SCP2: variants seen among roughly 807,000 people sequenced by gnomAD.
SCP2 encodes SCP-2/3-oxoacyl-CoA thiolase.
Under a neutral mutation model 71.4 loss-of-function variants are expected in SCP2, and 48 were observed. That is an observed-to-expected ratio of 0.67 (90% CI 0.53 to 0.86). The LOEUF (loss-of-function observed/expected upper bound fraction) is 0.86. SCP2 is among the 40% of genes least tolerant of loss of function. The probability of loss-of-function intolerance (pLI) is 0.00; values close to 1 mark genes in which losing one functional copy is unlikely to be tolerated. For synonymous variants in SCP2, 220 were observed against 218.1 expected, an observed-to-expected ratio of 1.01 and a Z score of -0.08; for missense variants, 560 against 655.6, an observed-to-expected ratio of 0.85 and a Z score of 1.59.
chr1:52,994,334 G>T, intron 11 of SCP2: 1 of 953,558 alleles, frequency 1.0e-6, no homozygotes, highest in Non-Finnish European at 1.3e-6. Context: ...TTCATTAGGA[G>T]ATGAATATGA....
At chr1:53,005,462 C>A (rs1660573451) in intron 11 of SCP2, among the ~76,000 whole-genome samples, 1 of 152,146 alleles carries the variant, frequency 6.6e-6, no homozygotes, top group South Asian at 2.1e-4. Context: ...TGCTGTTCTG[C>A]AATATTTGGT....
At chr1:52,927,988 C>G (rs934331706) in intron 1 of SCP2, among the ~76,000 whole-genome samples, 2 of 152,246 alleles carry the variant, frequency 1.3e-5, no homozygotes, top group African/African-American at 2.4e-5. Context: ...CCCCTCATCG[C>G]CCGCATGCTC....
rs1453681680 is a variant in SCP2, at chr1:52,951,373, A to G, written c.331+487A>G. ...TTCAACACTCTGGGGGACCAAGGCAAGAGCATCACTTGAGCCCAGGAGTTC... is the reference window on the plus strand; with the variant it reads ...TTCAACACTCTGGGGGACCAAGGCAGGAGCATCACTTGAGCCCAGGAGTTC... On this transcript the variant is annotated intron_variant, in intron 4 of 15. Coordinates refer to ENST00000371514, the MANE Select transcript of SCP2 (RefSeq NM_002979.5). Among the ~76,000 whole-genome samples the G allele has an allele frequency of 2.6e-5, 4 of 151,994 alleles. No homozygotes were observed. In the East Asian group the frequency reaches 7.7e-4, roughly 29 times the overall value.
At chr1:52,981,705 T>C (rs1658516530) in intron 10 of SCP2, among the ~76,000 whole-genome samples, 2 of 151,724 alleles carry the variant, frequency 1.3e-5, no homozygotes, top group Admixed American at 6.6e-5. Flanking sequence ...GTGCTGGGGT[T>C]GCAAGCATGA....
rs115911737 is a variant in SCP2 at position 53,038,333 on chromosome 1, A to G, written c.1339-584A>G. Among the ~76,000 whole-genome samples, 505 of 150,928 alleles carry G rather than the reference A, an allele frequency of 3.3e-3. 5 individuals carry two copies. Among genetic ancestry groups the G allele is most frequent in the African/African-American group, 0.012 (480 of 40,794 alleles). ...AGTGAATCTTTCCCAACTTATTGAAACATACGAGGGCTATTTTGGCAGAAA... is the reference window on the plus strand; with the variant it reads ...AGTGAATCTTTCCCAACTTATTGAAGCATACGAGGGCTATTTTGGCAGAAA... On this transcript the variant is annotated intron_variant, in intron 13 of 15. Coordinates refer to ENST00000371514, the MANE Select transcript of SCP2 (RefSeq NM_002979.5).
chr1:52,968,411 T>G (rs939764745), intron 6 of SCP2, among the ~76,000 whole-genome samples: 110 of 152,202 alleles, frequency 7.2e-4, no homozygotes, highest in African/African-American at 2.6e-3. Flanking sequence ...TCCTGGTACT[T>G]TCTTTTGGTT....
At chr1:53,014,200 C>G (rs542305746) in intron 11 of SCP2, among the ~76,000 whole-genome samples, 10 of 152,050 alleles carry the variant, frequency 6.6e-5, no homozygotes, top group African/African-American at 2.2e-4. Flanking sequence ...CCACCGCGCC[C>G]GGCCCTGATA....
intron 3 of SCP2, among the ~76,000 whole-genome samples, chr1:52,949,700 A>G (rs1655120625): frequency 6.6e-6 from 1 of 152,204 alleles, no homozygotes; most frequent in Non-Finnish European, 1.5e-5. Flanking sequence ...AGGTAAAAAC[A>G]CCTTCAAATA....
chr1:53,003,079 A>C (rs1311406475), intron 11 of SCP2, among the ~76,000 whole-genome samples: 2 of 152,146 alleles, frequency 1.3e-5, no homozygotes, highest in Non-Finnish European at 2.9e-5. Context: ...TTACCACTGC[A>C]ATGTGAGGAG....
In SCP2 at chr1:52,950,754, G is replaced by A; in HGVS notation, c.200-1G>A. 6.2e-7 allele frequency: 1 copy of A among 1,613,322 alleles called. No individual in the cohort carries two copies. The highest frequency in any genetic ancestry group is 1.3e-5 in the African/African-American group (1 of 74,962). ...ATTAAAATTTTTGTTTTTCTATTCA[G>A]GTGACTCTACCTGTGGGCAGAGGGC... On this transcript the variant is annotated splice_acceptor_variant, in intron 3 of 15. Transcript: ENST00000371514. LOFTEE classifies it high-confidence loss of function.
At chr1:53,011,524 G>T (rs1660988106) in intron 11 of SCP2, among the ~76,000 whole-genome samples, 1 of 152,130 alleles carries the variant, frequency 6.6e-6, no homozygotes, top group Non-Finnish European at 1.5e-5. Context: ...CTGAGTCCTA[G>T]GTCAGTTACT....
intron 13 of SCP2, among the ~76,000 whole-genome samples, chr1:53,037,950 T>TACACACACAC (rs67763248): frequency 3.3e-5 from 4 of 120,362 alleles, no homozygotes; most frequent in Non-Finnish European, 5.1e-5. Flanking sequence ...CCTGTCTCTA[T>TACACACACAC]ACACACACAC....
rs147980016 is a variant in SCP2, at chr1:53,042,989, C to CT, written c.1468+3944dup. Among the ~76,000 whole-genome samples, 1,078 of 152,258 alleles carry CT rather than the reference C, an allele frequency of 7.1e-3. 18 individuals carry two copies. The highest frequency in any genetic ancestry group is 0.025 in the African/African-American group (1,028 of 41,548). ...CTCCAGGAGGCCATCTTTGATTAATCTAACATAACATATTATTCCTTCATT... is the reference window on the plus strand; with the variant it reads ...CTCCAGGAGGCCATCTTTGATTAATCTTAACATAACATATTATTCCTTCATT... On this transcript the variant is annotated intron_variant, in intron 14 of 15. Transcript: ENST00000371514.
rs531551240 is a variant in SCP2, at chr1:53,050,801, G to C, written c.*97G>C. On this transcript the variant is annotated 3_prime_UTR_variant, in exon 16 of 16. Transcript: ENST00000371514. ...GAATTTAGACTGAAACTACACATTG[G>C]CAAATAGCGTGGGATAGATTTGTTT... 2.7e-5 allele frequency: 24 copies of C among 880,098 alleles called. No homozygotes were observed. The African/African-American group carries it at 3.6e-4, about 13-fold the overall frequency. 54.5% of individuals were successfully genotyped at this position (880,098 alleles called of 1,614,324 possible).
At chr1:53,015,703 A>AT (rs1661289972) in intron 12 of SCP2, among the ~76,000 whole-genome samples, 2 of 152,130 alleles carry the variant, frequency 1.3e-5, no homozygotes, top group Admixed American at 6.5e-5. Flanking sequence ...CTCTGTCAGC[A>AT]TACATGTTCA....
chr1:52,944,387 C>T (rs2150115923), intron 2 of SCP2, among the ~76,000 whole-genome samples: 1 of 152,172 alleles, frequency 6.6e-6, no homozygotes, highest in Non-Finnish European at 1.5e-5. Flanking sequence ...CAACTCAATA[C>T]TTAAATGTTA....
chr1:53,041,998 G>T (rs576426869), intron 14 of SCP2, among the ~76,000 whole-genome samples: 3 of 152,126 alleles, frequency 2.0e-5, no homozygotes, highest in Non-Finnish European at 4.4e-5. Context: ...TAACGTGCAC[G>T]GTTGAATAAG....
intron 1 of SCP2, among the ~76,000 whole-genome samples, chr1:52,929,952 A>G (rs926062659): frequency 1.3e-5 from 2 of 152,160 alleles, no homozygotes; most frequent in African/African-American, 4.8e-5. Context: ...ACTAAGTCAC[A>G]GCTGCCGTCT....
chr1:52,964,214 C>CTTTT (rs200065864), intron 6 of SCP2, among the ~76,000 whole-genome samples: 17 of 134,662 alleles, frequency 1.3e-4, no homozygotes, highest in African/African-American at 4.4e-4. Flanking sequence ...TCTTTTCTCT[C>CTTTT]TTTTTTTTTT....
Sources: allele counts gnomAD v4.1 joint callset (sites outside exome capture counted in the v4.1 genomes callset), GRCh38; gene constraint gnomAD v4.1.1; transcripts MANE v1.5; gene names NCBI Gene and HGNC (gene_info 2026-07-23, HGNC 2026-07-21).